Variants in WWOX observed in about 807,000 individuals in gnomAD.
The protein encoded by WWOX is WW domain containing oxidoreductase, also known as WW domain-containing oxidoreductase.
A neutral mutation model predicts 46.2 loss-of-function variants in WWOX; 69 were observed. That is an observed-to-expected ratio of 1.49 (90% CI 1.23 to 1.82). WWOX has a LOEUF of 1.82. Among genes scored for constraint, WWOX ranks in the 40% most tolerant of loss-of-function variants. WWOX has a pLI of 0.00. For missense variants in WWOX, 919 were observed against 542.6 expected, an observed-to-expected ratio of 1.69 and a Z score of -6.89; for synonymous variants, 359 against 202.6, an observed-to-expected ratio of 1.77 and a Z score of -6.56.
chr16:78,455,208 G>T (rs11860794), intron 8 of WWOX, among the ~76,000 whole-genome samples: 1 of 152,032 alleles, frequency 6.6e-6, no homozygotes, highest in African/African-American at 2.4e-5. Context: ...ATGTGTCGGA[G>T]GCAAACATGT....
chr16:78,732,148 G>T (rs2048985157), intron 8 of WWOX, among the ~76,000 whole-genome samples: 1 of 152,072 alleles, frequency 6.6e-6, no homozygotes, highest in South Asian at 2.1e-4. Flanking sequence ...ACAGGTGTGA[G>T]CCCCCAACCC....
intron 6 of WWOX, among the ~76,000 whole-genome samples, chr16:78,411,148 C>T (rs150607288): frequency 6.6e-6 from 1 of 152,090 alleles, no homozygotes; most frequent in African/African-American, 2.4e-5. Context: ...AAACAAATTC[C>T]TAGGTCTCAC....
intron 8 of WWOX, among the ~76,000 whole-genome samples, chr16:79,014,261 A>T (rs1288232727): frequency 6.6e-6 from 1 of 152,102 alleles, no homozygotes; most frequent in African/African-American, 2.4e-5. Flanking sequence ...GACGCATGGG[A>T]CGGGAGAATA....
intron 8 of WWOX, among the ~76,000 whole-genome samples, chr16:79,195,790 A>C (rs2051228180): frequency 1.3e-5 from 2 of 152,322 alleles, no homozygotes; most frequent in East Asian, 3.9e-4. Context: ...GAATCCTAGC[A>C]CAAGATCAGT....
intron 5 of WWOX, among the ~76,000 whole-genome samples, chr16:78,272,936 T>G (rs958814919): frequency 4.6e-5 from 7 of 152,166 alleles, no homozygotes; most frequent in Admixed American, 3.3e-4. Context: ...TAGGAGTGCT[T>G]GTCATTAGGG....
At chr16:78,671,903 C>T (rs192290903) in intron 8 of WWOX, among the ~76,000 whole-genome samples, 5 of 152,260 alleles carry the variant, frequency 3.3e-5, no homozygotes, top group African/African-American at 9.6e-5. Context: ...ACAGGCACTA[C>T]TCACTTCATT....
intron 8 of WWOX, among the ~76,000 whole-genome samples, chr16:78,912,636 T>C (rs1182574459): frequency 1.3e-5 from 2 of 152,046 alleles, no homozygotes; most frequent in South Asian, 2.1e-4. Flanking sequence ...TCATTTCTTA[T>C]CATTTAATGT....
At chr16:78,730,879 C>G (rs1597506788) in intron 8 of WWOX, among the ~76,000 whole-genome samples, 1 of 152,008 alleles carries the variant, frequency 6.6e-6, no homozygotes, top group South Asian at 2.1e-4. Context: ...AACTTAGCAG[C>G]CACAGGAGAT....
At chr16:79,012,527 G>A (rs770456893) in intron 8 of WWOX, among the ~76,000 whole-genome samples, 8 of 152,146 alleles carry the variant, frequency 5.3e-5, no homozygotes, top group Admixed American at 6.6e-5. Context: ...GAGCCACTGC[G>A]CAGACGGACA....
At chr16:78,996,267 T>C (rs2046985657) in intron 8 of WWOX, 1 of 985,064 alleles carries the variant, frequency 1.0e-6, no homozygotes, top group Non-Finnish European at 1.2e-6. Context: ...CCAGACCCCT[T>C]TTCAGCTGGG....
At position 79,212,298 on chromosome 16, in the gene WWOX, C is replaced by A. The variant is rs556383341; in HGVS notation, c.*502C>A. 4 of 995,606 alleles carry A rather than the reference C, an allele frequency of 4.0e-6. No individual in the cohort carries two copies. The African/African-American group carries it at 4.9e-5, about 12-fold the overall frequency. 61.7% of individuals were successfully genotyped at this position (995,606 alleles called of 1,614,324 possible). Reference sequence around the variant, plus strand: ...GACCAAGACTGAGCCAGCTTAGCAACTGCTGGGGAGACAAATCTCAGAACC... The same window carrying A: ...GACCAAGACTGAGCCAGCTTAGCAAATGCTGGGGAGACAAATCTCAGAACC... On this transcript the variant is annotated 3_prime_UTR_variant, in exon 9 of 9. Transcript: ENST00000566780.
chr16:78,101,346 C>CTTTTTT lies in WWOX; in HGVS notation c.107+1473_107+1478dup, dbSNP rs71137871. ...ACAGGCGTGAGCTACCGCTCCCGGCCTTTTTTTTTTTTTTTTTAAAGACAG... is the reference window on the plus strand; with the variant it reads ...ACAGGCGTGAGCTACCGCTCCCGGCCTTTTTTTTTTTTTTTTTTTTTTTAAAGACAG... On this transcript the variant is annotated intron_variant, in intron 1 of 8. Coordinates refer to ENST00000566780, the MANE Select transcript of WWOX (RefSeq NM_016373.4). Among the ~76,000 whole-genome samples, 208 of 66,836 alleles carry CTTTTTT rather than the reference C, an allele frequency of 3.1e-3. 15 individuals are homozygous for CTTTTTT. The highest frequency in any genetic ancestry group is 9.0e-3 in the African/African-American group (198 of 22,054). The allele number at this position is 66,836 out of a possible 152,430, so 43.8% of individuals were successfully genotyped here. A position where few individuals can be genotyped will look rare whatever the true frequency, so the allele number is the denominator to read the frequency against.
At chr16:78,401,231 CT>C (rs147220664) in intron 6 of WWOX, among the ~76,000 whole-genome samples, 2 of 152,072 alleles carry the variant, frequency 1.3e-5, no homozygotes, top group Non-Finnish European at 2.9e-5. Flanking sequence ...TCTAATACCA[CT>C]TTTTTCTACA....
intron 5 of WWOX, among the ~76,000 whole-genome samples, chr16:78,222,309 TA>T (rs2036913343): frequency 6.8e-6 from 1 of 146,988 alleles, no homozygotes; most frequent in African/African-American, 2.5e-5. Flanking sequence ...TGTGCCTCAT[TA>T]GGGGTGAGAG....
Position 79,132,127 on chromosome 16 carries a change from AACACACAC to A in WWOX, c.1057-79448_1057-79441del, listed in dbSNP as rs141785224. 7.3e-3 allele frequency among the ~76,000 whole-genome samples: 1,034 copies of A among 141,560 alleles called. 8 individuals carry two copies. The highest frequency in any genetic ancestry group is 0.038 in the East Asian group (184 of 4,860). The allele number at this position is 141,560 out of a possible 152,430, so 92.9% of individuals were successfully genotyped here. ...CACTCTCCCACCCAACACTTGCAGA[AACACACAC>A]ACACACACACACACACACACACACA... On this transcript the variant is annotated intron_variant, in intron 8 of 8. Coordinates refer to ENST00000566780, the MANE Select transcript of WWOX (RefSeq NM_016373.4).
At chr16:78,490,949 T>A (rs896358999) in intron 8 of WWOX, among the ~76,000 whole-genome samples, 1 of 152,148 alleles carries the variant, frequency 6.6e-6, no homozygotes, top group African/African-American at 2.4e-5. Flanking sequence ...CACGGGCAAC[T>A]CGGCTTGGCT....
chr16:78,750,575 G>T (rs575581895), intron 8 of WWOX, among the ~76,000 whole-genome samples: 1 of 152,090 alleles, frequency 6.6e-6, no homozygotes, highest in East Asian at 1.9e-4. Context: ...GGCTTCAATT[G>T]AACCCATCAC....
At chr16:78,355,746 C>T (rs878955867) in intron 5 of WWOX, 3 of 709,170 alleles carry the variant, frequency 4.2e-6, no homozygotes, top group Non-Finnish European at 7.4e-6. Flanking sequence ...TATGAAGAGA[C>T]ATATGAATCA....
At chr16:78,467,921 C>T (rs921765144) in intron 8 of WWOX, among the ~76,000 whole-genome samples, 3 of 152,160 alleles carry the variant, frequency 2.0e-5, no homozygotes, top group African/African-American at 7.2e-5. Flanking sequence ...GGCTTCTTTT[C>T]CACCTTTCTC....
Sources: gnomAD v4.1 joint callset for allele counts (sites outside exome capture counted in the v4.1 genomes callset) on GRCh38, gnomAD v4.1.1 for gene constraint, MANE v1.5 for transcripts, NCBI Gene and HGNC (gene_info 2026-07-23, HGNC 2026-07-21) for gene names.